Variants in ZC3H12B observed in about 807,000 individuals in gnomAD.
The protein encoded by ZC3H12B is probable ribonuclease ZC3H12B.
Under a neutral mutation model 43.9 loss-of-function variants are expected in ZC3H12B, and 7 were observed. The ratio of observed to expected loss-of-function variants is 0.16; its 90% CI spans 0.09 to 0.30. The LOEUF is 0.30. Among genes scored for constraint, ZC3H12B ranks in the 10% least tolerant of loss-of-function variants. The probability of loss-of-function intolerance (pLI) is 1.00; values close to 1 mark genes in which losing one functional copy is unlikely to be tolerated. For synonymous variants in ZC3H12B, 222 were observed against 241.7 expected (o/e 0.92, Z 0.76); for missense variants, 475 against 670.2 (o/e 0.71, Z 3.22).
intron 3 of ZC3H12B, among the ~76,000 whole-genome samples, chrX:65,413,911 T>C (rs895121765): frequency 8.4e-4 from 94 of 112,219 alleles, no homozygotes; most frequent in African/African-American, 2.9e-3. Context: ...TATTAATTCT[T>C]CCATTTTATG....
chrX:65,121,377 G>C, the ZC3H12B span, among the ~76,000 whole-genome samples: 2 of 111,400 alleles, frequency 1.8e-5, no homozygotes, highest in Non-Finnish European at 3.8e-5. Flanking sequence ...GTTTAGTCTT[G>C]GGAGGGTGCA....
At chrX:65,491,714 AATAT>A (rs758006424) in intron 1 of ZC3H12B, among the ~76,000 whole-genome samples, 69 of 97,166 alleles carry the variant, frequency 7.1e-4, no homozygotes, top group African/African-American at 2.3e-3. Flanking sequence ...TTAAAAAAAA[AATAT>A]ATATATATAT....
At chrX:65,402,282 C>G (rs144058100) in intron 3 of ZC3H12B, among the ~76,000 whole-genome samples, 1 of 111,632 alleles carries the variant, frequency 9.0e-6, no homozygotes, top group Non-Finnish European at 1.9e-5. Flanking sequence ...GGTTTCAGTG[C>G]CAGCTCAGCC....
At chrX:65,233,785 G>A in the ZC3H12B span, among the ~76,000 whole-genome samples, 1 of 110,633 alleles carries the variant, frequency 9.0e-6, no homozygotes, top group Non-Finnish European at 1.9e-5. Context: ...AGGATAAATG[G>A]AATGAAAACT....
the ZC3H12B span, among the ~76,000 whole-genome samples, chrX:65,158,220 C>T: frequency 9.1e-6 from 1 of 110,018 alleles, no homozygotes; most frequent in Non-Finnish European, 1.9e-5. Context: ...GTGAATAGTG[C>T]CGCAATAAAC....
the ZC3H12B span, among the ~76,000 whole-genome samples, chrX:65,135,150 TA>T: frequency 2.7e-5 from 3 of 111,557 alleles, no homozygotes; most frequent in African/African-American, 9.7e-5. Context: ...CTACCAGTGT[TA>T]TTTTTTTCCT....
At chrX:65,112,386 A>G in the ZC3H12B span, among the ~76,000 whole-genome samples, 3 of 112,298 alleles carry the variant, frequency 2.7e-5, no homozygotes, top group Non-Finnish European at 5.6e-5. Flanking sequence ...ACTCCACAAG[A>G]ACTAGCTAAG....
At chrX:65,038,534 G>T in the ZC3H12B span, among the ~76,000 whole-genome samples, 2 of 111,447 alleles carry the variant, frequency 1.8e-5, no homozygotes, top group African/African-American at 6.5e-5. Context: ...AGTAACTATT[G>T]TACATTTCTG....
intron 2 of ZC3H12B, among the ~76,000 whole-genome samples, chrX:65,381,938 G>A (rs1458096902): frequency 9.0e-6 from 1 of 111,592 alleles, no homozygotes; most frequent in Admixed American, 9.5e-5. Flanking sequence ...CCAATAACAG[G>A]AGCTGAAACT....
chrX:65,355,388 A>G, the ZC3H12B span, among the ~76,000 whole-genome samples: 4 of 111,992 alleles, frequency 3.6e-5, no homozygotes, highest in African/African-American at 6.5e-5. Context: ...ACAGGAAAGT[A>G]TATTTAAATA....
the ZC3H12B span, among the ~76,000 whole-genome samples, chrX:65,105,920 A>T: frequency 9.0e-6 from 1 of 111,589 alleles, no homozygotes; most frequent in Non-Finnish European, 1.9e-5. Flanking sequence ...TGCTGAGAAG[A>T]GCTCTTGGAA....
chrX:65,192,440 A>G, the ZC3H12B span, among the ~76,000 whole-genome samples: 1 of 111,372 alleles, frequency 9.0e-6, no homozygotes, highest in African/African-American at 3.3e-5. Context: ...TAGATCTTAG[A>G]TAAAAGGCTT....
chrX:65,052,616 CT>C, the ZC3H12B span, among the ~76,000 whole-genome samples: 2 of 111,124 alleles, frequency 1.8e-5, no homozygotes, highest in African/African-American at 6.5e-5. Flanking sequence ...GAATTTCATT[CT>C]TTTTTGTGGT....
the ZC3H12B span, among the ~76,000 whole-genome samples, chrX:65,041,212 A>T: frequency 3.6e-5 from 4 of 112,481 alleles, no homozygotes; most frequent in African/African-American, 1.3e-4. Flanking sequence ...ACAAATTCTG[A>T]ATCAGTGGGG....
chrX:65,309,915 T>C, the ZC3H12B span, among the ~76,000 whole-genome samples: 1 of 111,895 alleles, frequency 8.9e-6, no homozygotes, highest in Admixed American at 9.5e-5. Context: ...ATTATCTCAA[T>C]AGATGCAGAA....
intron 1 of ZC3H12B, among the ~76,000 whole-genome samples, chrX:65,493,965 G>A (rs1052848715): frequency 1.8e-5 from 2 of 110,841 alleles, no homozygotes; most frequent in Non-Finnish European, 3.8e-5. Flanking sequence ...GATAAATGTT[G>A]AAACTGCCTT....
chrX:65,129,865 G>T, the ZC3H12B span, among the ~76,000 whole-genome samples: 1 of 110,673 alleles, frequency 9.0e-6, no homozygotes, highest in African/African-American at 3.3e-5. Flanking sequence ...GCTGAAGGAA[G>T]ATTTTGTGGT....
At chrX:65,285,240 C>A in the ZC3H12B span, among the ~76,000 whole-genome samples, 3 of 109,581 alleles carry the variant, frequency 2.7e-5, no homozygotes, top group African/African-American at 1.0e-4. Context: ...TACACAGTAC[C>A]TAATGTATAG....
the ZC3H12B span, among the ~76,000 whole-genome samples, chrX:65,246,040 A>C: frequency 8.9e-6 from 1 of 112,268 alleles, no homozygotes; most frequent in Admixed American, 9.5e-5. Context: ...AAAGGTACTT[A>C]AGCTGATAAA....
Sources: allele counts gnomAD v4.1 joint callset (sites outside exome capture counted in the v4.1 genomes callset), GRCh38; gene constraint gnomAD v4.1.1; transcripts MANE v1.5; gene names NCBI Gene and HGNC (gene_info 2026-07-23, HGNC 2026-07-21).